The following SNX7 variants were observed in gnomAD, a reference collection of about 807,000 sequenced individuals.
SNX7 encodes the protein sorting nexin 7, also known as sorting nexin-7.
In SNX7, 35 loss-of-function variants were observed where a neutral mutation model predicts 48.4. The observed-to-expected ratio is 0.72, with a 90% CI of 0.55 to 0.96. The LOEUF is 0.96. SNX7 is among the 40% of genes least tolerant of loss of function. The pLI is 0.00. For missense variants in SNX7, 553 were observed against 548.9 expected (o/e 1.01, Z -0.07); for synonymous variants, 190 against 190.2 (o/e 1.00, Z 0.01).
intron 6 of SNX7, among the ~76,000 whole-genome samples, chr1:98,701,480 T>C (rs1409824204): frequency 1.3e-5 from 2 of 152,140 alleles, no homozygotes; most frequent in Non-Finnish European, 2.9e-5. Context: ...GCTTCTACTA[T>C]TTTTTGTTTG....
chr1:98,747,833 A>G (rs911929627), intron 8 of SNX7, among the ~76,000 whole-genome samples: 6 of 152,094 alleles, frequency 3.9e-5, no homozygotes, highest in Non-Finnish European at 8.8e-5. Flanking sequence ...AGTATTATGT[A>G]CTTATTTTGT....
intron 8 of SNX7, among the ~76,000 whole-genome samples, chr1:98,758,533 T>C (rs1654965720): frequency 6.6e-6 from 1 of 152,098 alleles, no homozygotes; most frequent in Non-Finnish European, 1.5e-5. Context: ...TTCATTACAG[T>C]GACTGTGCTT....
At chr1:98,755,623 A>G (rs576965526) in intron 8 of SNX7, among the ~76,000 whole-genome samples, 16 of 151,912 alleles carry the variant, frequency 1.1e-4, no homozygotes, top group South Asian at 2.1e-4. Context: ...TAAAACATAT[A>G]TATGTATTTT....
chr1:98,713,401 A>G (rs758134772), intron 7 of SNX7, among the ~76,000 whole-genome samples: 32 of 152,146 alleles, frequency 2.1e-4, no homozygotes, highest in Middle Eastern at 3.4e-3. Flanking sequence ...GGCTGGTTTG[A>G]TCTTCTACTC....
At chr1:98,691,914 TAC>T (rs1553199327) in intron 4 of SNX7, among the ~76,000 whole-genome samples, 18 of 133,494 alleles carry the variant, frequency 1.3e-4, no homozygotes, top group African/African-American at 4.8e-4. Flanking sequence ...TCCATATATA[TAC>T]ACACACACAC....
intron 7 of SNX7, among the ~76,000 whole-genome samples, chr1:98,729,185 T>A (rs12045262): frequency 0.55 from 84,053 of 152,020 alleles, 24,272 homozygotes; most frequent in Non-Finnish European, 0.64. Context: ...CTGCTTCTGA[T>A]TGACTCCTGG....
chr1:98,700,385 A>G (rs1466894640), intron 6 of SNX7, among the ~76,000 whole-genome samples: 2 of 152,196 alleles, frequency 1.3e-5, no homozygotes, highest in African/African-American at 4.8e-5. Flanking sequence ...CCTTAAATAA[A>G]TAGGACTGAA....
chr1:98,665,317 T>C (rs886963324), intron 1 of SNX7, among the ~76,000 whole-genome samples: 39 of 152,134 alleles, frequency 2.6e-4, no homozygotes, highest in African/African-American at 8.4e-4. Flanking sequence ...TAGAGATAGG[T>C]AAATATTGTT....
intron 7 of SNX7, among the ~76,000 whole-genome samples, chr1:98,730,280 A>G (rs1570583086): frequency 6.6e-6 from 1 of 152,272 alleles, no homozygotes; most frequent in African/African-American, 2.4e-5. Flanking sequence ...GGAGCCGTTT[A>G]TGACAAACCC....
intron 1 of SNX7, among the ~76,000 whole-genome samples, chr1:98,673,865 A>G (rs1650013514): frequency 6.6e-6 from 1 of 152,232 alleles, no homozygotes; most frequent in South Asian, 2.1e-4. Context: ...GCTAAGGCAC[A>G]TAGTCTCTGG....
At chr1:98,750,206 A>G (rs1231811323) in intron 8 of SNX7, among the ~76,000 whole-genome samples, 2 of 151,948 alleles carry the variant, frequency 1.3e-5, no homozygotes, top group African/African-American at 4.8e-5. Flanking sequence ...TGACTTATAT[A>G]ATAATTCGAA....
chr1:98,667,248 G>C (rs908914234), intron 1 of SNX7, among the ~76,000 whole-genome samples: 3 of 152,330 alleles, frequency 2.0e-5, no homozygotes, highest in Admixed American at 6.5e-5. Context: ...TGATAAGTTA[G>C]AACATTGTAT....
intron 6 of SNX7, among the ~76,000 whole-genome samples, chr1:98,699,121 C>T (rs1651622264): frequency 6.6e-6 from 1 of 152,138 alleles, no homozygotes; most frequent in Non-Finnish European, 1.5e-5. Flanking sequence ...GCAACACCAA[C>T]AATTTATCAG....
chr1:98,718,642 A>G (rs1016646154), intron 7 of SNX7, among the ~76,000 whole-genome samples: 2 of 152,110 alleles, frequency 1.3e-5, no homozygotes, highest in African/African-American at 4.8e-5. Context: ...AAACACACCC[A>G]GTGAAAAGTG....
Position 98,685,032 on chromosome 1 carries a change from A to G in SNX7, c.328A>G (p.Ile110Val). ...VDEPESHVTTIETFITYRIIT... is the reference protein window; with the variant it reads ...VDEPESHVTTVETFITYRIIT... ...TGAACCTGAAAGTCATGTTACTACA[A>G]TAGAAACTTTCATTACGTATAGGAT... Residue 110 changes from isoleucine (I) to valine (V), a missense_variant, in exon 2 of 9, where the codon ATA (isoleucine) becomes GTA (valine). Transcript: ENST00000306121. The G allele has an allele frequency of 6.4e-7, 1 of 1,572,134 alleles. No homozygotes were observed. Among genetic ancestry groups the G allele is most frequent in the Non-Finnish European group, 8.6e-7 (1 of 1,156,300 alleles).
chr1:98,718,076 A>G (rs1652682755), intron 7 of SNX7, among the ~76,000 whole-genome samples: 1 of 152,234 alleles, frequency 6.6e-6, no homozygotes, highest in African/African-American at 2.4e-5. Flanking sequence ...ATGGTAAGAG[A>G]AGTGCCAGAT....
intron 1 of SNX7, among the ~76,000 whole-genome samples, chr1:98,682,810 A>G (rs943708181): frequency 6.6e-6 from 1 of 152,148 alleles, no homozygotes; most frequent in African/African-American, 2.4e-5. Context: ...CACAGGCCCT[A>G]TCAACTTTAT....
At chr1:98,738,211 G>C in intron 7 of SNX7, 26 bp from the exon 8 acceptor site, 3 of 1,606,648 alleles carry the variant, frequency 1.9e-6, no homozygotes, top group Non-Finnish European at 2.5e-6. Context: ...ATAGATCAAT[G>C]TATCTCTCTT....
chr1:98,661,839 C>T lies in SNX7; in HGVS notation c.108C>T (p.Gly36=). 8.0e-7 allele frequency: 1 copy of T among 1,246,502 alleles called. No individual in the cohort carries two copies. The highest frequency in any genetic ancestry group is 1.0e-6 in the Non-Finnish European group (1 of 987,378). 77.2% of individuals were successfully genotyped at this position (1,246,502 alleles called of 1,614,324 possible). The change falls in exon 1 of 9, where the codon GGC becomes GGT. Residue 36 remains glycine, a synonymous_variant. Coordinates refer to ENST00000306121, the MANE Select transcript of SNX7 (RefSeq NM_015976.5). ...GCGCCCCCTTTCCGGGCAGCAGTGG[C>T]TCTTCCGCCCTGCTGCAGGCGGAGG... The part of the protein sequence containing the change: ...GGGAPFPGSS[G]SSALLQAEVL...
Sources: gnomAD v4.1 joint callset for allele counts (sites outside exome capture counted in the v4.1 genomes callset) on GRCh38, gnomAD v4.1.1 for gene constraint, MANE v1.5 for transcripts, NCBI Gene and HGNC (gene_info 2026-07-23, HGNC 2026-07-21) for gene names.